Variants in SLIT3 observed in about 807,000 individuals in gnomAD.
SLIT3 encodes the protein slit guidance ligand 3.
In SLIT3, 68 loss-of-function variants were observed where a neutral mutation model predicts 184.0. That is an observed-to-expected ratio of 0.37 (90% CI 0.30 to 0.45). The LOEUF is 0.45. SLIT3 is among the 20% of genes least tolerant of loss of function. The pLI is 1.00. For missense variants in SLIT3, 1,707 were observed against 2,026.0 expected (o/e 0.84, Z 3.02); for synonymous variants, 831 against 828.6 (o/e 1.00, Z -0.05).
At chr5:168,794,900 C>A (rs1219676973) in intron 10 of SLIT3, among the ~76,000 whole-genome samples, 1 of 152,134 alleles carries the variant, frequency 6.6e-6, no homozygotes, top group African/African-American at 2.4e-5. Context: ...ACATAGAGAC[C>A]TTCATAGGCA....
chr5:169,027,765 T>C (rs1181829591), intron 4 of SLIT3, among the ~76,000 whole-genome samples: 2 of 152,168 alleles, frequency 1.3e-5, no homozygotes, highest in Non-Finnish European at 2.9e-5. Context: ...TCCTGAGACC[T>C]TTCAATAGAG....
At chr5:169,051,461 AGAG>A (rs1757812208) in intron 4 of SLIT3, among the ~76,000 whole-genome samples, 2 of 152,288 alleles carry the variant, frequency 1.3e-5, no homozygotes, top group South Asian at 2.1e-4. Context: ...TTTACCTTCC[AGAG>A]GAGATGTCAA....
chr5:168,852,831 G>A (rs1758727319), intron 5 of SLIT3, among the ~76,000 whole-genome samples: 1 of 152,140 alleles, frequency 6.6e-6, no homozygotes, highest in Non-Finnish European at 1.5e-5. Context: ...AGTTGTAAAA[G>A]GCAGATAACA....
At chr5:169,200,576 G>A (rs986678831) in intron 3 of SLIT3, among the ~76,000 whole-genome samples, 1 of 152,186 alleles carries the variant, frequency 6.6e-6, no homozygotes, top group Non-Finnish European at 1.5e-5. Context: ...GGCAAGGGCA[G>A]AACCAAACTT....
chr5:169,226,572 C>A (rs1472500965), intron 3 of SLIT3, among the ~76,000 whole-genome samples: 1 of 152,160 alleles, frequency 6.6e-6, no homozygotes, highest in African/African-American at 2.4e-5. Context: ...ATAGTCCCCA[C>A]CTTGCAGGCT....
chr5:168,888,036 G>A (rs924622860), intron 4 of SLIT3, among the ~76,000 whole-genome samples: 2 of 152,154 alleles, frequency 1.3e-5, no homozygotes, highest in Non-Finnish European at 2.9e-5. Flanking sequence ...CAAGAGAGCT[G>A]GATTCAGAAA....
chr5:168,824,814 G>A (rs2113672850), intron 6 of SLIT3, among the ~76,000 whole-genome samples: 1 of 152,248 alleles, frequency 6.6e-6, no homozygotes, highest in South Asian at 2.1e-4. Flanking sequence ...GCCTCCATGG[G>A]TCCCTACTGG....
intron 4 of SLIT3, among the ~76,000 whole-genome samples, chr5:168,906,313 A>C (rs1202373363): frequency 1.3e-5 from 2 of 152,244 alleles, no homozygotes; most frequent in African/African-American, 4.8e-5. Context: ...CTAGCGATAA[A>C]GGAACATCAC....
intron 6 of SLIT3, 29 bp from the exon 7 acceptor site, chr5:168,823,360 G>A: frequency 6.4e-7 from 1 of 1,561,732 alleles, no homozygotes; most frequent in Non-Finnish European, 8.8e-7. Context: ...GAGATGGTCA[G>A]CCAGGCAGCA....
chr5:168,957,027 G>C (rs1000325998), intron 4 of SLIT3, among the ~76,000 whole-genome samples: 1 of 151,262 alleles, frequency 6.6e-6, no homozygotes, highest in Admixed American at 6.6e-5. Context: ...TCAGGAGTTC[G>C]AGAGCAGCCT....
At position 169,164,596 on chromosome 5, in the gene SLIT3, T is replaced by C. The variant is rs186938811; in HGVS notation, c.413+28883A>G. Among the ~76,000 whole-genome samples the C allele has an allele frequency of 6.7e-3, 1,017 of 152,298 alleles. 6 individuals are homozygous for C. Among genetic ancestry groups the C allele is most frequent in the Non-Finnish European group, 9.8e-3 (666 of 68,014 alleles). On this transcript the variant is annotated intron_variant, in intron 4 of 35. Coordinates refer to ENST00000519560, the MANE Select transcript of SLIT3 (RefSeq NM_003062.4). Reference sequence around the variant, plus strand: ...CTGTCATCTCTATGAGTCAGCCTCATCCTGGGCCTTCCCCGCCAGACCCTC... The same window carrying C: ...CTGTCATCTCTATGAGTCAGCCTCACCCTGGGCCTTCCCCGCCAGACCCTC...
intron 3 of SLIT3, among the ~76,000 whole-genome samples, chr5:169,238,831 A>G (rs914801108): frequency 2.0e-5 from 3 of 152,130 alleles, no homozygotes; most frequent in Admixed American, 1.3e-4. Flanking sequence ...TCATTATTAC[A>G]TCATGGTTCC....
At chr5:168,800,321 C>G (rs1417434936) in intron 9 of SLIT3, among the ~76,000 whole-genome samples, 2 of 152,216 alleles carry the variant, frequency 1.3e-5, no homozygotes, top group Non-Finnish European at 2.9e-5. Flanking sequence ...CGCAGTGGCT[C>G]ACGCCTGTAA....
intron 3 of SLIT3, among the ~76,000 whole-genome samples, chr5:169,201,988 T>G (rs1291265642): frequency 4.1e-3 from 128 of 31,420 alleles, no homozygotes; most frequent in Middle Eastern, 0.017. Context: ...TCCTGGCACT[T>G]TGGGAGGCCA....
rs557062575 is a variant in SLIT3, at chr5:168,909,370, A to G, written c.414-26034T>C. 3.5e-4 allele frequency among the ~76,000 whole-genome samples: 53 copies of G among 152,258 alleles called. No individual in the cohort carries two copies. In the South Asian group the frequency reaches 4.2e-3, roughly 12 times the overall value. ...ATCTGGATTTTTGGTTTCCTTTGCA[A>G]ACTCCAGATATCCATCAATTTAGGT... On this transcript the variant is annotated intron_variant, in intron 4 of 35. Coordinates refer to ENST00000519560, the MANE Select transcript of SLIT3 (RefSeq NM_003062.4).
intron 4 of SLIT3, among the ~76,000 whole-genome samples, chr5:168,959,020 A>G (rs755503365): frequency 1.3e-5 from 2 of 152,246 alleles, no homozygotes; most frequent in African/African-American, 2.4e-5. Flanking sequence ...TCTTTCCTTC[A>G]GGAGCTGAAT....
chr5:168,750,654 C>T (rs1015308369), intron 18 of SLIT3, among the ~76,000 whole-genome samples: 2 of 152,106 alleles, frequency 1.3e-5, no homozygotes, highest in African/African-American at 2.4e-5. Context: ...GTGGAGGTAC[C>T]TAGGAGGGGC....
At chr5:169,113,166 A>G (rs114641950) in intron 4 of SLIT3, among the ~76,000 whole-genome samples, 1,735 of 152,246 alleles carry the variant, frequency 0.011, 27 homozygotes, top group African/African-American at 0.039. Context: ...CCGTCCCTAG[A>G]ACCCTTCTCA....
chr5:168,969,472 A>G (rs1294417737), intron 4 of SLIT3, among the ~76,000 whole-genome samples: 2 of 152,188 alleles, frequency 1.3e-5, no homozygotes, highest in Non-Finnish European at 2.9e-5. Context: ...TGACATCTAC[A>G]TTACCCCAAA....
Sources: allele counts gnomAD v4.1 joint callset (sites outside exome capture counted in the v4.1 genomes callset), GRCh38; gene constraint gnomAD v4.1.1; transcripts MANE v1.5; gene names NCBI Gene and HGNC (gene_info 2026-07-23, HGNC 2026-07-21).